The following PLCD3 variants were observed in gnomAD, a reference collection of about 807,000 sequenced individuals.
PLCD3 encodes the protein 1-phosphatidylinositol 4,5-bisphosphate phosphodiesterase delta-3.
In PLCD3, 62 loss-of-function variants were observed where a neutral mutation model predicts 82.8. That is an observed-to-expected ratio of 0.75 (90% CI 0.61 to 0.93). PLCD3 has a LOEUF of 0.93. Among genes scored for constraint, PLCD3 ranks in the 40% least tolerant of loss-of-function variants. The probability of loss-of-function intolerance (pLI) is 0.00; values close to 1 mark genes in which losing one functional copy is unlikely to be tolerated. For missense variants in PLCD3, 1,023 were observed against 1,103.4 expected (o/e 0.93, Z 1.03); for synonymous variants, 478 against 471.8 (o/e 1.01, Z -0.17).
chr17:45,130,001 G>A (rs55933831), intron 1 of PLCD3, among the ~76,000 whole-genome samples: 1 of 152,190 alleles, frequency 6.6e-6, no homozygotes, highest in African/African-American at 2.4e-5. Flanking sequence ...GAGGCTACCT[G>A]GGTGACAGGC....
intron 1 of PLCD3, among the ~76,000 whole-genome samples, chr17:45,127,051 G>T (rs1214267072): frequency 6.6e-6 from 1 of 152,252 alleles, no homozygotes; most frequent in Non-Finnish European, 1.5e-5. Context: ...GAAGTTGGGG[G>T]AGTCTGACCC....
rs774017109 is a variant in PLCD3 at position 45,121,064 on chromosome 17, C to G, written c.392G>C (p.Gly131Ala). ...GAGGCAGCGCGCTGGCGCGAAGGCA[C>G]CCCCGAAGCGCCGCAGGCCCTCGGA... The part of the protein sequence containing the change: ...HQSEGLRRFG[G>A]AFAPARCLTI... The change falls in exon 3 of 15, where the codon GGT becomes GCT. Residue 131 changes from glycine to alanine, a missense_variant. By Grantham distance (60) the Gly-to-Ala change is moderately conservative (BLOSUM62 0). This residue lies in a region of PLCD3 where 448 missense variants were observed against 406.3 expected (regional missense o/e 1.10). Transcript: ENST00000619929. 3.2e-6 allele frequency: 5 copies of G among 1,541,988 alleles called. No individual in the cohort carries two copies. The South Asian group carries it at 6.0e-5, about 18-fold the overall frequency.
Position 45,120,435 on chromosome 17 carries a change from G to A in PLCD3, c.574C>T (p.His192Tyr). 1.2e-6 allele frequency: 2 copies of A among 1,613,990 alleles called. No homozygotes were observed. Among genetic ancestry groups the A allele is most frequent in the Non-Finnish European group, 1.7e-6 (2 of 1,179,872 alleles). Reference sequence around the variant, plus strand: ...CTGTCCTGGTTGGAGTCAGCCCGGTGCAGATAGGAGTGGATCCAGGTGTGG... The same window carrying A: ...CTGTCCTGGTTGGAGTCAGCCCGGTACAGATAGGAGTGGATCCAGGTGTGG... Reference protein sequence around the residue: ...RLDHWIHSYLHRADSNQDSKM... With the variant: ...RLDHWIHSYLYRADSNQDSKM... The change falls in exon 4 of 15, where the codon CAC (histidine) becomes TAC (tyrosine). Residue 192 changes from histidine to tyrosine, a missense_variant. His to Tyr is a moderately conservative substitution (Grantham distance 83, BLOSUM62 2). Coordinates refer to ENST00000619929, the MANE Select transcript of PLCD3 (RefSeq NM_133373.5).
chr17:45,116,119 G>A (rs1326716805), intron 8 of PLCD3, among the ~76,000 whole-genome samples: 1 of 152,232 alleles, frequency 6.6e-6, no homozygotes, highest in Non-Finnish European at 1.5e-5. Flanking sequence ...GTTTTCTCAA[G>A]GAGCCCGACA....
At chr17:45,125,526 GC>G (rs1354106868) in intron 1 of PLCD3, among the ~76,000 whole-genome samples, 1 of 152,256 alleles carries the variant, frequency 6.6e-6, no homozygotes, top group East Asian at 1.9e-4. Context: ...AACCCGGAAG[GC>G]AGAGGTTGCA....
chr17:45,118,014 C>A lies in PLCD3; in HGVS notation c.1240G>T (p.Val414Leu). Residue 414 changes from valine to leucine, a missense_variant, in exon 7 of 15, where the codon GTG (valine) becomes TTG (leucine). By Grantham distance (32) the Val-to-Leu change is conservative. Transcript: ENST00000619929. This position sits in a 1 kb window ranked among gnomAD's most constrained non-coding sequence, Gnocchi z 4.1. The stretch of plus-strand genomic sequence containing the variant: ...CTCACCGTGAAGGCATGGTCGCGCA[C>A]GGCTTGGACCACGTCCCGGAAGAGA... Reference protein sequence around the residue: ...KILFRDVVQAVRDHAFTLSPY... With the variant: ...KILFRDVVQALRDHAFTLSPY... 1 of 1,613,540 alleles carries A rather than the reference C, an allele frequency of 6.2e-7. No homozygotes were observed. Among genetic ancestry groups the A allele is most frequent in the South Asian group, 1.1e-5 (1 of 90,986 alleles).
rs142850303 is a variant in PLCD3, at chr17:45,121,451, GC to G, written c.164-80del. ...CTGCCCTCCCCCGCTAGGACCTGCT[GC>G]CCCATCCTCCAGCCTCTCCAAACCC... On this transcript the variant is annotated intron_variant, in intron 1 of 14. Transcript: ENST00000619929. 784 of 1,412,510 alleles carry G rather than the reference GC, an allele frequency of 5.6e-4. 9 individuals are homozygous for G. In the East Asian group the frequency reaches 0.021, roughly 37 times the overall value. 87.5% of individuals were successfully genotyped at this position (1,412,510 alleles called of 1,614,324 possible). A position where few individuals can be genotyped will look rare whatever the true frequency, so the allele number is the denominator to read the frequency against.
intron 10 of PLCD3, 128 bp from the exon 11 acceptor site, chr17:45,114,494 C>G: frequency 1.5e-6 from 1 of 669,978 alleles, no homozygotes; most frequent in East Asian, 3.2e-5. Flanking sequence ...TCCTCACTCT[C>G]TTCTGACCTA....
At chr17:45,128,124 C>G (rs936731306) in intron 1 of PLCD3, among the ~76,000 whole-genome samples, 1 of 152,152 alleles carries the variant, frequency 6.6e-6, no homozygotes, top group South Asian at 2.1e-4. Flanking sequence ...GCATGTCCCC[C>G]GTGACCCAGC....
At chr17:45,121,920 G>A (rs2054344010) in intron 1 of PLCD3, among the ~76,000 whole-genome samples, 1 of 149,142 alleles carries the variant, frequency 6.7e-6, no homozygotes, top group African/African-American at 2.5e-5. Flanking sequence ...TTGTGCCACT[G>A]CACTGCAGCC....
intron 11 of PLCD3, among the ~76,000 whole-genome samples, 161 bp downstream of exon 11, chr17:45,114,089 G>A (rs960787535): frequency 6.6e-6 from 1 of 152,136 alleles, no homozygotes; most frequent in Admixed American, 6.5e-5. Flanking sequence ...AAGAACAAAC[G>A]AGCCTGATTT....
At position 45,132,331 on chromosome 17, in the gene PLCD3, G is replaced by A; in HGVS notation, c.80C>T (p.Ala27Val). The A allele has an allele frequency of 8.1e-7, 1 of 1,237,082 alleles. No individual in the cohort carries two copies. The highest frequency in any genetic ancestry group is 1.0e-6 in the Non-Finnish European group (1 of 989,886). The allele number at this position is 1,237,082 out of a possible 1,614,324, so 76.6% of individuals were successfully genotyped here. ...CGGGGACGGGAGAGCGACCGGCGCC[G>A]CGACTTGGGCTGCGACCTGGGCGGC... ...PVAAQVAAQV[A>V]APVALPSPPT... is the part of the protein sequence containing the mutation. Residue 27 changes from alanine (A) to valine (V), a missense_variant, in exon 1 of 15, where the codon GCG (alanine) becomes GTG (valine). Transcript: ENST00000619929. This position sits in a 1 kb window ranked among gnomAD's most constrained non-coding sequence, Gnocchi z 4.6.
intron 1 of PLCD3, among the ~76,000 whole-genome samples, chr17:45,123,426 A>G (rs2054356507): frequency 6.6e-6 from 1 of 152,184 alleles, no homozygotes; most frequent in Non-Finnish European, 1.5e-5. Context: ...TCTCCTCACC[A>G]CAGTGCTCAT....
In PLCD3 at chr17:45,110,141, C is replaced by G. The variant is rs1355509894; in HGVS notation, c.*2475G>C. On this transcript the variant is annotated 3_prime_UTR_variant, in exon 15 of 15. Coordinates refer to ENST00000619929, the MANE Select transcript of PLCD3 (RefSeq NM_133373.5). ...TTGCTTCTGCTTCCCAGTTCACTTC[C>G]TTAAAGACTCTTGCCCTTTTGGCTG... 1 of 151,746 alleles carries G rather than the reference C, an allele frequency of 6.6e-6. No individual in the cohort carries two copies. Among genetic ancestry groups the G allele is most frequent in the East Asian group, 2.0e-4 (1 of 5,106 alleles). The allele number at this position is 151,746 out of a possible 1,614,324, so 9.4% of individuals were successfully genotyped here.
At chr17:45,122,468 G>C (rs2054349060) in intron 1 of PLCD3, among the ~76,000 whole-genome samples, 1 of 152,140 alleles carries the variant, frequency 6.6e-6, no homozygotes, top group Non-Finnish European at 1.5e-5. Context: ...AGCCACTTTG[G>C]GCTCTGGAGG....
In PLCD3 at chr17:45,118,187, C is replaced by T. The variant is rs2054306178; in HGVS notation, c.1116-49G>A. ...CGGGCAAGGTGTTGCCAGAGTGCCACAGAGCAGGGCAGCAGGCAGGCTGGG... is the reference window on the plus strand; with the variant it reads ...CGGGCAAGGTGTTGCCAGAGTGCCATAGAGCAGGGCAGCAGGCAGGCTGGG... On this transcript the variant is annotated intron_variant, in intron 6 of 14. Coordinates refer to ENST00000619929, the MANE Select transcript of PLCD3 (RefSeq NM_133373.5). This position sits in a 1 kb window ranked among gnomAD's most constrained non-coding sequence, Gnocchi z 4.1. 6.2e-7 allele frequency: 1 copy of T among 1,612,352 alleles called. No individual in the cohort carries two copies. The highest frequency in any genetic ancestry group is 1.3e-5 in the African/African-American group (1 of 74,916).
At chr17:45,128,709 G>T (rs374026156) in intron 1 of PLCD3, among the ~76,000 whole-genome samples, 92 of 152,350 alleles carry the variant, frequency 6.0e-4, no homozygotes, top group African/African-American at 2.1e-3. Flanking sequence ...GGGGACACAG[G>T]GTGGCCAGAG....
At chr17:45,112,727 T>C (rs1224829383) in intron 14 of PLCD3, 23 bp from the exon 15 acceptor site, 2 of 1,596,276 alleles carry the variant, frequency 1.3e-6, no homozygotes, top group Non-Finnish European at 1.7e-6. Flanking sequence ...CAGCCAGGCC[T>C]CAGGTCCTCT....
intron 1 of PLCD3, among the ~76,000 whole-genome samples, chr17:45,123,123 C>T (rs1332781575): frequency 1.3e-5 from 2 of 152,068 alleles, no homozygotes; most frequent in Non-Finnish European, 2.9e-5. Flanking sequence ...ACCCCAAGGC[C>T]CTGGCTTGCC....
Sources: allele counts gnomAD v4.1 joint callset (sites outside exome capture counted in the v4.1 genomes callset), GRCh38; gene constraint gnomAD v4.1.1; regional missense constraint gnomAD v4.1.1; non-coding constraint Gnocchi (gnomAD v3.1); transcripts MANE v1.5; gene names NCBI Gene and HGNC (gene_info 2026-07-23, HGNC 2026-07-21).